The following THSD7A variants were observed in gnomAD, a reference collection of about 807,000 sequenced individuals.
THSD7A encodes thrombospondin type 1 domain containing 7A.
In THSD7A, 96 loss-of-function variants were observed where a neutral mutation model predicts 231.3. The ratio of observed to expected loss-of-function variants is 0.41; its 90% CI spans 0.35 to 0.49. The LOEUF (loss-of-function observed/expected upper bound fraction) is 0.49. THSD7A is among the 20% of genes least tolerant of loss of function. The pLI is 0.05. For missense variants in THSD7A, 2,290 were observed against 2,070.2 expected (o/e 1.11, Z -2.06); for synonymous variants, 940 against 743.3 (o/e 1.26, Z -4.30).
At position 11,733,175 on chromosome 7, in the gene THSD7A, A is replaced by T. The variant is rs191996801; in HGVS notation, c.191-96214T>A. Among the ~76,000 whole-genome samples the T allele has an allele frequency of 5.3e-5, 8 of 151,912 alleles. No individual in the cohort carries two copies. In the Admixed American group the frequency reaches 5.3e-4, roughly 10 times the overall value. ...GTCCTGTAATAAAAATCAATCAGTG[A>T]ATTGGTGTTTCCTATTGAAGCAACT... On this transcript the variant is annotated intron_variant, in intron 1 of 27. Coordinates refer to ENST00000423059, the MANE Select transcript of THSD7A (RefSeq NM_015204.3).
chr7:11,480,340 G>T (rs963154397), intron 7 of THSD7A, among the ~76,000 whole-genome samples: 1 of 152,048 alleles, frequency 6.6e-6, no homozygotes, highest in African/African-American at 2.4e-5. Context: ...TGTGACTCGG[G>T]GTGGGGTGAA....
At chr7:11,774,108 G>C (rs1470137896) in intron 1 of THSD7A, among the ~76,000 whole-genome samples, 1 of 152,166 alleles carries the variant, frequency 6.6e-6, no homozygotes, top group Non-Finnish European at 1.5e-5. Flanking sequence ...GTATAAATTA[G>C]AGTGATAACT....
rs147561817 is a variant in THSD7A, at chr7:11,748,904, C to T, written c.190+82853G>A. 6.7e-3 allele frequency among the ~76,000 whole-genome samples: 1,023 copies of T among 151,972 alleles called. 13 individuals carry two copies. Among genetic ancestry groups the T allele is most frequent in the African/African-American group, 0.024 (978 of 41,458 alleles). On this transcript the variant is annotated intron_variant, in intron 1 of 27. Transcript: ENST00000423059. ...TTGTTAATGTGATATATTTATTGATCATAAGATTTTTTGCAGTTTATAGCT... is the reference window on the plus strand; with the variant it reads ...TTGTTAATGTGATATATTTATTGATTATAAGATTTTTTGCAGTTTATAGCT...
chr7:11,545,394 TAGGA>T (rs1433172626), intron 4 of THSD7A, among the ~76,000 whole-genome samples: 1 of 152,156 alleles, frequency 6.6e-6, no homozygotes, highest in Non-Finnish European at 1.5e-5. Flanking sequence ...TTGAAAACTT[TAGGA>T]AGCAAACATT....
rs528743997 is a variant in THSD7A, at chr7:11,496,112, T to C, written c.1823-14130A>G. Among the ~76,000 whole-genome samples, 14 of 152,308 alleles carry C rather than the reference T, an allele frequency of 9.2e-5. No individual in the cohort carries two copies. The South Asian group carries it at 1.9e-3, about 20-fold the overall frequency. ...AATCTGAAAGTCATGAACATAAAAT[T>C]ATAACATGGAACTAATAATTGCTGA... On this transcript the variant is annotated intron_variant, in intron 6 of 27. Coordinates refer to ENST00000423059, the MANE Select transcript of THSD7A (RefSeq NM_015204.3).
At chr7:11,756,613 T>G (rs934848356) in intron 1 of THSD7A, among the ~76,000 whole-genome samples, 5 of 152,024 alleles carry the variant, frequency 3.3e-5, no homozygotes, top group Admixed American at 2.0e-4. Context: ...AAATGTTCAT[T>G]TAGTAAACCT....
At chr7:11,379,762 G>A in intron 24 of THSD7A, 50 bp from the exon 25 acceptor site, 2 of 1,513,902 alleles carry the variant, frequency 1.3e-6, no homozygotes, top group Admixed American at 2.0e-5. Context: ...TTGCTATGAT[G>A]AAAATACACT....
At chr7:11,769,213 T>TCTC (rs1446495397) in intron 1 of THSD7A, among the ~76,000 whole-genome samples, 4 of 142,100 alleles carry the variant, frequency 2.8e-5, no homozygotes, top group African/African-American at 1.0e-4. Context: ...GCCAGGCCGG[T>TCTC]CTCAAACTCC....
intron 11 of THSD7A, among the ~76,000 whole-genome samples, chr7:11,452,243 G>C (rs971945589): frequency 3.3e-5 from 5 of 151,984 alleles, no homozygotes; most frequent in Admixed American, 2.0e-4. Flanking sequence ...TAGAAATGAA[G>C]AAGAAAAAGC....
At chr7:11,631,996 T>C (rs949552118) in intron 2 of THSD7A, among the ~76,000 whole-genome samples, 1 of 152,178 alleles carries the variant, frequency 6.6e-6, no homozygotes, top group Non-Finnish European at 1.5e-5. Context: ...ACTTAATTGG[T>C]AAACAGTTCC....
intron 23 of THSD7A, among the ~76,000 whole-genome samples, chr7:11,391,604 TTCTGTCCTGGCAGTGAATG>T: frequency 7.7e-6 from 1 of 129,606 alleles, no homozygotes; most frequent in African/African-American, 4.7e-5. Context: ...CAGTGAATGG[TTCTGTCCTGGCAGTGAATG>T]GTTCTGTCCT....
intron 1 of THSD7A, among the ~76,000 whole-genome samples, chr7:11,692,040 A>G (rs1433862522): frequency 6.6e-6 from 1 of 151,582 alleles, no homozygotes; most frequent in Non-Finnish European, 1.5e-5. Flanking sequence ...TAAAGCCACA[A>G]GTGTCAAGCC....
intron 1 of THSD7A, among the ~76,000 whole-genome samples, chr7:11,768,749 A>C (rs1376754500): frequency 6.6e-6 from 1 of 152,096 alleles, no homozygotes; most frequent in East Asian, 1.9e-4. Flanking sequence ...CTACGTTGTT[A>C]ATTTGTTATA....
At chr7:11,689,672 C>T (rs1040893663) in intron 1 of THSD7A, among the ~76,000 whole-genome samples, 6 of 151,624 alleles carry the variant, frequency 4.0e-5, no homozygotes, top group Non-Finnish European at 8.8e-5. Flanking sequence ...AATTCTCCTT[C>T]AGGCAAGAAA....
At chr7:11,533,044 C>T (rs1788768604) in intron 6 of THSD7A, among the ~76,000 whole-genome samples, 1 of 151,984 alleles carries the variant, frequency 6.6e-6, no homozygotes, top group Admixed American at 6.6e-5. Context: ...TCACATGTAG[C>T]CCAAAATAAA....
chr7:11,504,275 CAAA>C (rs1787456710), intron 6 of THSD7A, among the ~76,000 whole-genome samples: 1 of 151,902 alleles, frequency 6.6e-6, no homozygotes, highest in South Asian at 2.1e-4. Context: ...CTTATGAAAA[CAAA>C]GAAGGAAATA....
intron 6 of THSD7A, among the ~76,000 whole-genome samples, chr7:11,488,877 T>C (rs567352130): frequency 6.6e-6 from 1 of 152,108 alleles, no homozygotes; most frequent in Non-Finnish European, 1.5e-5. Context: ...CCTCTGCCAT[T>C]TTGCAAACAC....
chr7:11,395,748 A>C (rs1409611452), intron 23 of THSD7A, among the ~76,000 whole-genome samples: 1 of 152,014 alleles, frequency 6.6e-6, no homozygotes, highest in African/African-American at 2.4e-5. Context: ...GGCTGTTCTC[A>C]AACTACCGAC....
At chr7:11,569,299 G>A (rs1057230240) in intron 4 of THSD7A, among the ~76,000 whole-genome samples, 6 of 151,986 alleles carry the variant, frequency 3.9e-5, no homozygotes, top group South Asian at 2.1e-4. Flanking sequence ...AGGCACTAAC[G>A]TCTAGAATAT....
Sources: allele counts gnomAD v4.1 joint callset (sites outside exome capture counted in the v4.1 genomes callset), GRCh38; gene constraint gnomAD v4.1.1; transcripts MANE v1.5; gene names NCBI Gene and HGNC (gene_info 2026-07-23, HGNC 2026-07-21).